GRID1: variants seen among roughly 807,000 people sequenced by gnomAD.
GRID1 encodes the protein glutamate receptor ionotropic, delta-1.
GRID1 carries 28 observed loss-of-function variants against 98.0 expected under a neutral mutation model. The ratio of observed to expected loss-of-function variants is 0.29; its 90% confidence interval spans 0.21 to 0.39. GRID1 has a LOEUF of 0.39. Among genes scored for constraint, GRID1 ranks in the 10% least tolerant of loss-of-function variants. The pLI, the probability that GRID1 is intolerant of heterozygous loss-of-function variation, is 1.00. For missense variants in GRID1, 1,111 were observed against 1,340.5 expected (o/e 0.83, Z 2.67); for synonymous variants, 553 against 538.5 (o/e 1.03, Z -0.37).
In GRID1 at chr10:85,899,004, G is replaced by A. The variant is rs1000311478; in HGVS notation, c.780+17182C>T. Among the ~76,000 whole-genome samples the A allele has an allele frequency of 3.9e-5, 6 of 152,166 alleles. No homozygotes were observed. The South Asian group carries it at 6.2e-4, about 16-fold the overall frequency. The stretch of plus-strand genomic sequence containing the variant: ...TATACCAGCATCACCATGAACATTG[G>A]AGTAATGTACTGCACTATGACATTA... On this transcript the variant is annotated intron_variant, in intron 5 of 15. Transcript: ENST00000327946.
At chr10:86,122,011 T>C (rs1844684527) in intron 4 of GRID1, among the ~76,000 whole-genome samples, 1 of 152,070 alleles carries the variant, frequency 6.6e-6, no homozygotes, top group South Asian at 2.1e-4. Context: ...GGCCTCAGTC[T>C]CTGTATCTGA....
At chr10:85,881,609 A>C (rs1397348893) in intron 5 of GRID1, among the ~76,000 whole-genome samples, 1 of 152,236 alleles carries the variant, frequency 6.6e-6, no homozygotes, top group Non-Finnish European at 1.5e-5. Flanking sequence ...CTTACACCTT[A>C]TACAAAAATT....
chr10:85,964,295 A>C (rs2131850919), intron 4 of GRID1, among the ~76,000 whole-genome samples: 1 of 152,332 alleles, frequency 6.6e-6, no homozygotes, highest in Non-Finnish European at 1.5e-5. Context: ...TGAAAAAATA[A>C]ATTTCATATG....
intron 8 of GRID1, among the ~76,000 whole-genome samples, chr10:85,761,782 C>T (rs78500976): frequency 0.033 from 5,029 of 152,200 alleles, 128 homozygotes; most frequent in Middle Eastern, 0.048. Flanking sequence ...CCTCTGTCTG[C>T]CAGACAGTCC....
intron 12 of GRID1, among the ~76,000 whole-genome samples, chr10:85,667,595 T>C (rs564842317): frequency 2.1e-4 from 32 of 152,290 alleles, no homozygotes; most frequent in African/African-American, 7.2e-4. Flanking sequence ...GGATCCAGCA[T>C]GTGAGCACAG....
At chr10:85,736,176 A>AAAGGAAGGAAGGAGGG (rs1564574631) in intron 8 of GRID1, among the ~76,000 whole-genome samples, 4 of 116,998 alleles carry the variant, frequency 3.4e-5, no homozygotes, top group Non-Finnish European at 5.3e-5. Flanking sequence ...ACACAGGAAG[A>AAAGGAAGGAAGGAGGG]AAGGAAGGAA....
intron 8 of GRID1, among the ~76,000 whole-genome samples, chr10:85,840,021 C>T (rs1179770854): frequency 3.9e-5 from 6 of 152,060 alleles, no homozygotes; most frequent in Admixed American, 1.3e-4. Flanking sequence ...TTGATAAATT[C>T]GTGTCACATA....
At chr10:86,327,592 T>A (rs1848071470) in intron 2 of GRID1, among the ~76,000 whole-genome samples, 3 of 152,352 alleles carry the variant, frequency 2.0e-5, no homozygotes, top group Admixed American at 1.3e-4. Context: ...GTGTTTGCAG[T>A]GAACTCTTAG....
intron 8 of GRID1, among the ~76,000 whole-genome samples, chr10:85,825,901 CAG>C: frequency 6.6e-6 from 1 of 151,328 alleles, no homozygotes; most frequent in South Asian, 2.1e-4. Flanking sequence ...AAAGAGAAAA[CAG>C]AATAATATTC....
intron 4 of GRID1, among the ~76,000 whole-genome samples, chr10:86,053,989 A>G (rs1468790503): frequency 6.6e-6 from 1 of 152,210 alleles, no homozygotes; most frequent in East Asian, 1.9e-4. Flanking sequence ...CCTTCTGCCT[A>G]AAATGGAACC....
intron 5 of GRID1, among the ~76,000 whole-genome samples, chr10:85,882,436 T>C (rs989377260): frequency 6.6e-6 from 1 of 152,200 alleles, no homozygotes; most frequent in African/African-American, 2.4e-5. Context: ...TGGAATACTA[T>C]GCAGCCATAA....
chr10:86,188,581 C>T (rs11201932), intron 3 of GRID1, among the ~76,000 whole-genome samples: 48,890 of 152,086 alleles, frequency 0.32, 9,606 homozygotes, highest in Non-Finnish European at 0.44. Context: ...TGCCAGAGGG[C>T]TGGGAGGGGT....
At chr10:85,981,657 T>C (rs1842545882) in intron 4 of GRID1, among the ~76,000 whole-genome samples, 1 of 152,184 alleles carries the variant, frequency 6.6e-6, no homozygotes, top group African/African-American at 2.4e-5. Context: ...TTGCTCTCCG[T>C]CTTTCCCCAC....
chr10:86,337,225 AT>A (rs945682507), intron 2 of GRID1, among the ~76,000 whole-genome samples: 8 of 152,086 alleles, frequency 5.3e-5, no homozygotes, highest in African/African-American at 1.9e-4. Flanking sequence ...AACGCAGCCC[AT>A]CCCCTGTTAG....
At chr10:85,814,358 T>A (rs1842698028) in intron 8 of GRID1, among the ~76,000 whole-genome samples, 1 of 151,860 alleles carries the variant, frequency 6.6e-6, no homozygotes, top group African/African-American at 2.4e-5. Context: ...ATAAAATAAA[T>A]AACCTAAGTT....
At chr10:85,842,411 C>A (rs1842969306) in intron 8 of GRID1, among the ~76,000 whole-genome samples, 1 of 151,866 alleles carries the variant, frequency 6.6e-6, no homozygotes, top group South Asian at 2.1e-4. Flanking sequence ...ACAACAAACC[C>A]CCATGACACA....
intron 12 of GRID1, among the ~76,000 whole-genome samples, chr10:85,701,284 G>A (rs1841448692): frequency 6.6e-6 from 1 of 152,070 alleles, no homozygotes; most frequent in African/African-American, 2.4e-5. Flanking sequence ...GTTCCTCACA[G>A]CTCTGCTGGG....
intron 4 of GRID1, among the ~76,000 whole-genome samples, chr10:86,047,311 T>C (rs1843437620): frequency 6.6e-6 from 1 of 152,220 alleles, no homozygotes; most frequent in South Asian, 2.1e-4. Flanking sequence ...CAACCCCTGC[T>C]TACACAGACT....
At chr10:86,284,734 T>C (rs959093955) in intron 2 of GRID1, among the ~76,000 whole-genome samples, 2 of 152,044 alleles carry the variant, frequency 1.3e-5, no homozygotes, top group Admixed American at 6.5e-5. Flanking sequence ...GTGGATGCTG[T>C]GGGGAAGGCC....
Sources: allele counts gnomAD v4.1 joint callset (sites outside exome capture counted in the v4.1 genomes callset), GRCh38; gene constraint gnomAD v4.1.1; transcripts MANE v1.5; gene names NCBI Gene and HGNC (gene_info 2026-07-23, HGNC 2026-07-21).